Variants in NR2F1-AS1 observed in about 807,000 individuals in gnomAD.
NR2F1-AS1 encodes the protein NR2F1 antisense RNA 1.
At chr5:93,533,216 A>G (rs1488105810) in intron 4 of NR2F1-AS1, among the ~76,000 whole-genome samples, 1 of 152,220 alleles carries the variant, frequency 6.6e-6, no homozygotes, top group African/African-American at 2.4e-5. Context: ...ATTAATGAGT[A>G]CAAATGTGGC....
At chr5:93,535,190 C>G (rs1168542111) in intron 4 of NR2F1-AS1, among the ~76,000 whole-genome samples, 1 of 151,416 alleles carries the variant, frequency 6.6e-6, no homozygotes, top group African/African-American at 2.4e-5. Flanking sequence ...CGTACCTTTG[C>G]TCATCTGTGA....
At chr5:93,469,846 G>C (rs2149869512) in intron 4 of NR2F1-AS1, among the ~76,000 whole-genome samples, 1 of 152,090 alleles carries the variant, frequency 6.6e-6, no homozygotes, top group Non-Finnish European at 1.5e-5. Flanking sequence ...GGTGACTATA[G>C]ATATTTGACT....
chr5:93,574,233 C>G (rs1054635707), intron 1 of NR2F1-AS1, among the ~76,000 whole-genome samples: 48 of 152,276 alleles, frequency 3.2e-4, no homozygotes, highest in Non-Finnish European at 5.1e-4. Context: ...TATCTGGGGG[C>G]TGGGATGGCC....
At chr5:93,502,541 C>CAAGTTAGAATGAA (rs1164466761) in intron 4 of NR2F1-AS1, among the ~76,000 whole-genome samples, 5 of 152,048 alleles carry the variant, frequency 3.3e-5, no homozygotes, top group African/African-American at 1.2e-4. Context: ...GTTTGGGGCC[C>CAAGTTAGAATGAA]ATGTAAGTAG....
In NR2F1-AS1 at chr5:93,471,165, G is replaced by C. The variant is rs116466492; in HGVS notation, n.639-75623C>G. On this transcript the variant is annotated intron_variant and non_coding_transcript_variant, in intron 4 of 5. Coordinates refer to ENST00000660523, the Ensembl canonical transcript of NR2F1-AS1. ...ATCAATTAGCAAAAAACTATATACT[G>C]ATCAACTGACTTAACAACTAGCCAA... Among the ~76,000 whole-genome samples the C allele has an allele frequency of 9.8e-3, 1,489 of 152,004 alleles. 27 individuals carry two copies. The highest frequency in any genetic ancestry group is 0.034 in the African/African-American group (1,433 of 41,540).
chr5:93,462,592 C>T (rs1382185983), intron 4 of NR2F1-AS1, among the ~76,000 whole-genome samples: 1 of 151,908 alleles, frequency 6.6e-6, no homozygotes, highest in African/African-American at 2.4e-5. Context: ...TTGGAGGGTT[C>T]AAGAGAAGAC....
At chr5:93,472,023 C>T (rs1246170711) in intron 4 of NR2F1-AS1, among the ~76,000 whole-genome samples, 1 of 151,762 alleles carries the variant, frequency 6.6e-6, no homozygotes, top group Non-Finnish European at 1.5e-5. Context: ...TTAATCCTTA[C>T]AGTACTATAC....
At chr5:93,457,869 T>C (rs1358647917) in intron 4 of NR2F1-AS1, among the ~76,000 whole-genome samples, 2 of 152,218 alleles carry the variant, frequency 1.3e-5, no homozygotes, top group Non-Finnish European at 2.9e-5. Context: ...TGTGAGTCGA[T>C]GGTGCTCAAC....
chr5:93,439,604 T>C (rs1198831541), intron 4 of NR2F1-AS1, among the ~76,000 whole-genome samples: 2 of 152,240 alleles, frequency 1.3e-5, no homozygotes, highest in Non-Finnish European at 2.9e-5. Context: ...AAGGCTTTTC[T>C]TTTAAAATGT....
intron 4 of NR2F1-AS1, among the ~76,000 whole-genome samples, chr5:93,534,295 A>G (rs1240736707): frequency 6.6e-6 from 1 of 152,198 alleles, no homozygotes; most frequent in Non-Finnish European, 1.5e-5. Flanking sequence ...GACTTATCCA[A>G]GGTTACTTGG....
chr5:93,411,958 C>A (rs951544338), intron 4 of NR2F1-AS1, among the ~76,000 whole-genome samples: 1 of 152,106 alleles, frequency 6.6e-6, no homozygotes. Flanking sequence ...GTGAAGCAAT[C>A]GGACAAGCAA....
intron 4 of NR2F1-AS1, among the ~76,000 whole-genome samples, chr5:93,525,541 A>G (rs1751594178): frequency 6.6e-6 from 1 of 152,216 alleles, no homozygotes. Flanking sequence ...TCCAACCCAA[A>G]TCAACGGAAT....
At chr5:93,424,838 GAA>G (rs1749161959) in intron 4 of NR2F1-AS1, among the ~76,000 whole-genome samples, 1 of 152,104 alleles carries the variant, frequency 6.6e-6, no homozygotes, top group African/African-American at 2.4e-5. Flanking sequence ...GCAATTTAAA[GAA>G]AAATTAATCT....
chr5:93,468,244 T>C (rs1330691949), intron 4 of NR2F1-AS1, among the ~76,000 whole-genome samples: 2 of 152,244 alleles, frequency 1.3e-5, no homozygotes, highest in Non-Finnish European at 2.9e-5. Flanking sequence ...TCTTCCACAA[T>C]GGTTGAACTA....
At chr5:93,482,695 C>T (rs1270570632) in intron 4 of NR2F1-AS1, among the ~76,000 whole-genome samples, 5 of 152,176 alleles carry the variant, frequency 3.3e-5, no homozygotes, top group African/African-American at 1.2e-4. Context: ...AATCTAAGAT[C>T]AACCGGCTTG....
chr5:93,451,295 C>A (rs1749824233), intron 4 of NR2F1-AS1, among the ~76,000 whole-genome samples: 1 of 141,596 alleles, frequency 7.1e-6, no homozygotes, highest in African/African-American at 2.7e-5. Context: ...AAGTCTAATT[C>A]ACCAGGTTTT....
intron 4 of NR2F1-AS1, among the ~76,000 whole-genome samples, chr5:93,525,343 G>A (rs963103808): frequency 1.7e-4 from 26 of 152,162 alleles, no homozygotes; most frequent in African/African-American, 5.8e-4. Context: ...CAATAAAGGA[G>A]CACCCAGATT....
chr5:93,488,892 T>C (rs1321708340), intron 4 of NR2F1-AS1, among the ~76,000 whole-genome samples: 2 of 152,134 alleles, frequency 1.3e-5, no homozygotes, highest in African/African-American at 4.8e-5. Context: ...ATGTGGCACA[T>C]ATACACCATG....
chr5:93,467,104 A>G (rs1213006263), intron 4 of NR2F1-AS1, among the ~76,000 whole-genome samples: 4 of 151,832 alleles, frequency 2.6e-5, no homozygotes, highest in African/African-American at 2.4e-5. Context: ...GTTTCACCAC[A>G]TTGGCCAGGC....
Sources: allele counts gnomAD v4.1 joint callset (sites outside exome capture counted in the v4.1 genomes callset), GRCh38; gene constraint gnomAD v4.1.1; transcripts MANE v1.5; gene names NCBI Gene and HGNC (gene_info 2026-07-23, HGNC 2026-07-21).